BIRC6: variants seen among roughly 807,000 people sequenced by gnomAD.
BIRC6 encodes dual E2 ubiquitin-conjugating enzyme/E3 ubiquitin-protein ligase BIRC6.
BIRC6 carries 98 observed loss-of-function variants against 503.3 expected under a neutral mutation model. That is an observed-to-expected ratio of 0.19 (90% CI 0.17 to 0.23). The LOEUF is 0.23. Ranked by LOEUF, BIRC6 falls within the 10% of genes least tolerant of loss-of-function variation. BIRC6 has a pLI of 1.00. For missense variants in BIRC6, 5,360 were observed against 5,806.0 expected (o/e 0.92, Z 2.50); for synonymous variants, 2,240 against 2,078.7 (o/e 1.08, Z -2.11).
At chr2:32,534,977 A>G (rs2057097263) in intron 61 of BIRC6, among the ~76,000 whole-genome samples, 1 of 151,524 alleles carries the variant, frequency 6.6e-6, no homozygotes, top group South Asian at 2.1e-4. Flanking sequence ...CTCATGCAGG[A>G]TATGCATGCC....
chr2:32,416,018 A>G lies in BIRC6; in HGVS notation c.2727A>G (p.Gly909=), dbSNP rs777399592. The G allele has an allele frequency of 8.7e-6, 14 of 1,613,916 alleles. 1 individual carries two copies. Among genetic ancestry groups the G allele is most frequent in the Middle Eastern group, 1.6e-4 (1 of 6,062 alleles). ...GACACCTGGTAATAACCACTCAGGGAGGATATGTAAAAATACTAGATCTTT... is the reference window on the plus strand; with the variant it reads ...GACACCTGGTAATAACCACTCAGGGGGGATATGTAAAAATACTAGATCTTT... ...TLGHLVITTQ[G]GYVKILDLSN... The change falls in exon 10 of 74, where the codon GGA becomes GGG. Residue 909 remains glycine, a synonymous_variant. Transcript: ENST00000421745.
chr2:32,402,491 G>T (rs933407016), intron 8 of BIRC6, among the ~76,000 whole-genome samples: 2 of 152,170 alleles, frequency 1.3e-5, no homozygotes, highest in African/African-American at 4.8e-5. Context: ...CCCTTTGGTG[G>T]GATGTCCTTT....
At chr2:32,361,225 G>A (rs1448895229) in intron 1 of BIRC6, among the ~76,000 whole-genome samples, 2 of 152,108 alleles carry the variant, frequency 1.3e-5, no homozygotes, top group African/African-American at 2.4e-5. Flanking sequence ...TTGGGCCACC[G>A]CGCCCAGCCC....
intron 53 of BIRC6, among the ~76,000 whole-genome samples, chr2:32,511,340 T>C (rs1295108348): frequency 4.0e-5 from 6 of 151,304 alleles, no homozygotes; most frequent in African/African-American, 1.5e-4. Context: ...GATGGAGTCT[T>C]GCTCTGTTGC....
rs186115449 is a variant in BIRC6, at chr2:32,435,717, A to G, written c.3499+132A>G. 3.8e-4 allele frequency: 373 copies of G among 981,748 alleles called. 3 individuals are homozygous for G. The African/African-American group carries it at 5.7e-3, about 15-fold the overall frequency. 60.8% of individuals were successfully genotyped at this position (981,748 alleles called of 1,614,324 possible). A position where few individuals can be genotyped will look rare whatever the true frequency, so the allele number is the denominator to read the frequency against. On this transcript the variant is annotated intron_variant, in intron 14 of 73. Transcript: ENST00000421745. ...GAACACAATTAAAAAATAACCTATA[A>G]TTCTGCTTTGGCAATATGCTTTAAC...
chr2:32,579,533 A>C (rs923652480), intron 66 of BIRC6, among the ~76,000 whole-genome samples: 36 of 152,046 alleles, frequency 2.4e-4, no homozygotes, highest in African/African-American at 8.5e-4. Flanking sequence ...ACAAAACATA[A>C]AAATAAATTA....
intron 47 of BIRC6, among the ~76,000 whole-genome samples, chr2:32,502,229 G>A (rs1003324312): frequency 6.6e-6 from 1 of 152,086 alleles, no homozygotes; most frequent in Non-Finnish European, 1.5e-5. Flanking sequence ...AAGAAGTAAT[G>A]TGAAATCTTT....
In BIRC6 at chr2:32,491,439, G is replaced by C; in HGVS notation, c.8221G>C (p.Ala2741Pro). The change falls in exon 44 of 74, where the codon GCC becomes CCC. Residue 2741 changes from alanine (A) to proline (P), a missense_variant. This residue lies in a region of BIRC6 where 2,299 missense variants were observed against 2,267.2 expected (regional missense o/e 1.01). Coordinates refer to ENST00000421745, the MANE Select transcript of BIRC6 (RefSeq NM_016252.4). Reference sequence around the variant, plus strand: ...ATGTTTTATAGCTGGTTCCAGCAGTGCCATTGGAACTCAGGAGAGTACTGC... The same window carrying C: ...ATGTTTTATAGCTGGTTCCAGCAGTCCCATTGGAACTCAGGAGAGTACTGC... ...NMQLNSGSSS[A>P]IGTQESTAHL... is the part of the protein sequence containing the mutation. The C allele has an allele frequency of 6.2e-7, 1 of 1,610,062 alleles. No individual in the cohort carries two copies. The highest frequency in any genetic ancestry group is 8.5e-7 in the Non-Finnish European group (1 of 1,178,542).
chr2:32,481,559 G>C, intron 38 of BIRC6, 106 bp downstream of exon 38: 1 of 883,368 alleles, frequency 1.1e-6, no homozygotes, highest in Non-Finnish European at 1.6e-6. Context: ...AAGGTCAAGA[G>C]ATCAAGACCA....
chr2:32,465,185 A>ATTTTTT (rs374940577), intron 26 of BIRC6, 21 bp downstream of exon 26: 41 of 847,770 alleles, frequency 4.8e-5, no homozygotes, highest in South Asian at 2.7e-4. Context: ...ACTTTCTTAA[A>ATTTTTT]TTTTTTTTTT....
intron 30 of BIRC6, 24 bp from the exon 31 acceptor site, chr2:32,470,144 C>A: frequency 1.4e-6 from 2 of 1,451,930 alleles, no homozygotes; most frequent in Non-Finnish European, 9.1e-7. Flanking sequence ...TTATTCTTTT[C>A]TTTTTTGTTT....
chr2:32,508,928 C>CA (rs2054096028), intron 51 of BIRC6, among the ~76,000 whole-genome samples: 1 of 151,868 alleles, frequency 6.6e-6, no homozygotes. Context: ...ACTAAAAATA[C>CA]AAAAAATTAG....
At chr2:32,448,950 G>C (rs771094600) in intron 22 of BIRC6, 22 bp downstream of exon 22, 2 of 1,596,484 alleles carry the variant, frequency 1.3e-6, no homozygotes, top group Non-Finnish European at 1.7e-6. Context: ...TTTTATTAAA[G>C]GAAATTCTGA....
intron 1 of BIRC6, among the ~76,000 whole-genome samples, chr2:32,373,037 T>G (rs181630065): frequency 6.6e-6 from 1 of 152,358 alleles, no homozygotes; most frequent in East Asian, 1.9e-4. Context: ...CCAGTGTGGC[T>G]GTACCATTTG....
Position 32,595,126 on chromosome 2 carries a change from A to G in BIRC6, c.13594A>G (p.Met4532Val). 6.3e-7 allele frequency: 1 copy of G among 1,589,994 alleles called. No individual in the cohort carries two copies. Among genetic ancestry groups the G allele is most frequent in the South Asian group, 1.2e-5 (1 of 85,570 alleles). ...ACTTGAAGAAAAATATGTGGCTGTT[A>G]TGAAGAAATTACAGTTTGGTAAGAT... is the stretch of plus-strand genomic sequence containing the variant. ...KSLEEKYVAVMKKLQFDTFEM... is the reference protein window; with the variant it reads ...KSLEEKYVAVVKKLQFDTFEM... Residue 4532 changes from methionine (M) to valine (V), a missense_variant, in exon 68 of 74, where the codon ATG becomes GTG. Met to Val is a conservative substitution (Grantham distance 21). Transcript: ENST00000421745.
At chr2:32,417,459 T>C (rs772240454) in intron 10 of BIRC6, among the ~76,000 whole-genome samples, 1 of 152,142 alleles carries the variant, frequency 6.6e-6, no homozygotes, top group African/African-American at 2.4e-5. Context: ...TTTTTACTTA[T>C]ATACATTTTA....
At chr2:32,532,584 AG>A (rs2056874564) in intron 61 of BIRC6, among the ~76,000 whole-genome samples, 1 of 152,218 alleles carries the variant, frequency 6.6e-6, no homozygotes, top group South Asian at 2.1e-4. Context: ...TTTCCAAATA[AG>A]GTCATCTTCA....
intron 66 of BIRC6, among the ~76,000 whole-genome samples, chr2:32,578,294 T>C (rs1003664565): frequency 1.3e-5 from 2 of 152,122 alleles, no homozygotes; most frequent in Non-Finnish European, 2.9e-5. Flanking sequence ...CCTTACAGTG[T>C]ATACCCACAG....
At chr2:32,402,690 C>T (rs2040733586) in intron 8 of BIRC6, among the ~76,000 whole-genome samples, 1 of 152,078 alleles carries the variant, frequency 6.6e-6, no homozygotes, top group South Asian at 2.1e-4. Context: ...TAACTGTTGT[C>T]TGAGTTTCTG....
Sources: gnomAD v4.1 joint callset for allele counts (sites outside exome capture counted in the v4.1 genomes callset) on GRCh38, gnomAD v4.1.1 for gene constraint, gnomAD v4.1.1 regional missense constraint, MANE v1.5 for transcripts, NCBI Gene and HGNC (gene_info 2026-07-23, HGNC 2026-07-21) for gene names.